NAA16: variants seen among roughly 807,000 people sequenced by gnomAD.
NAA16 encodes N-alpha-acetyltransferase 16, NatA auxiliary subunit, also known as NARG1-like protein.
NAA16 carries 97 observed loss-of-function variants against 110.3 expected under a neutral mutation model. The ratio of observed to expected loss-of-function variants is 0.88; its 90% CI spans 0.75 to 1.04. The LOEUF is 1.04. NAA16 is among the 50% of genes least tolerant of loss of function. NAA16 has a pLI of 0.00. For synonymous variants in NAA16, 372 were observed against 330.6 expected, an observed-to-expected ratio of 1.13 and a Z score of -1.36; for missense variants, 1,017 against 1,005.1, an observed-to-expected ratio of 1.01 and a Z score of -0.16.
chr13:41,316,255 AAGT>A (rs1223047289), intron 1 of NAA16, among the ~76,000 whole-genome samples: 1 of 151,274 alleles, frequency 6.6e-6, no homozygotes. Context: ...TCAGCCACCC[AAGT>A]AGCTGGGATT....
intron 10 of NAA16, 56 bp downstream of exon 10, chr13:41,355,272 A>T: frequency 1.8e-6 from 2 of 1,090,974 alleles, no homozygotes; most frequent in Non-Finnish European, 2.7e-6. Context: ...TTTTAATCAC[A>T]GTAATGCTCT....
chr13:41,330,405 C>T (rs928674984), intron 7 of NAA16, among the ~76,000 whole-genome samples: 1 of 151,722 alleles, frequency 6.6e-6, no homozygotes, highest in East Asian at 1.9e-4. Context: ...CTGCTAGCAC[C>T]CAGGGTTATT....
In NAA16 at chr13:41,358,907, T is replaced by G. The variant is rs536039218; in HGVS notation, c.1355T>G (p.Met452Arg). Reference protein sequence around the residue: ...RFINSKCAKYMLRANMIKEAE... With the variant: ...RFINSKCAKYRLRANMIKEAE... ...ATCAATTCCAAATGTGCAAAATACA[T>G]GCTTCGAGCAAATATGATAAAAGAA... The change falls in exon 12 of 20, where the codon ATG (methionine) becomes AGG (arginine). Residue 452 changes from methionine (M) to arginine (R), a missense_variant. By Grantham distance (91) the Met-to-Arg change is moderately conservative. Transcript: ENST00000379406. The G allele has an allele frequency of 2.5e-6, 4 of 1,612,266 alleles. No homozygotes were observed. Among genetic ancestry groups the G allele is most frequent in the East Asian group, 4.5e-5 (2 of 44,790 alleles).
At position 41,358,347 on chromosome 13, in the gene NAA16, G is replaced by T. The variant is rs750911744; in HGVS notation, c.1131G>T (p.Gln377His). The change falls in exon 11 of 20, where the codon CAG becomes CAT. Residue 377 changes from glutamine to histidine, a missense_variant. Transcript: ENST00000379406. ...KEPPTTLLWV[Q>H]YFLAQHFDKL... The stretch of plus-strand genomic sequence containing the variant: ...CCCCGACAACACTACTCTGGGTTCA[G>T]TATTTCCTGGCACAGCACTTTGATA... 2 of 1,613,996 alleles carry T rather than the reference G, an allele frequency of 1.2e-6. No individual in the cohort carries two copies. The highest frequency in any genetic ancestry group is 1.3e-5 in the African/African-American group (1 of 75,048).
Position 41,311,397 on chromosome 13 carries a change from T to C in NAA16, c.-132T>C, listed in dbSNP as rs931079698. ...CAGCCAGGCTGCCCAATTGCAACTG[T>C]AGACCAATGAACTAATCCATCGCCC... On this transcript the variant is annotated 5_prime_UTR_variant, in exon 1 of 20. Transcript: ENST00000379406. The C allele has an allele frequency of 7.1e-6, 6 of 840,776 alleles. No individual in the cohort carries two copies. The African/African-American group carries it at 8.7e-5, about 12-fold the overall frequency. The allele number at this position is 840,776 out of a possible 1,614,324, so 52.1% of individuals were successfully genotyped here.
chr13:41,325,419 T>G (rs993304098), intron 5 of NAA16, among the ~76,000 whole-genome samples: 2 of 148,962 alleles, frequency 1.3e-5, no homozygotes, highest in Non-Finnish European at 3.0e-5. Context: ...ACTCTAGTAG[T>G]TTTTTTTTTG....
chr13:41,335,303 A>G (rs1682886748), intron 8 of NAA16, among the ~76,000 whole-genome samples: 1 of 152,196 alleles, frequency 6.6e-6, no homozygotes, highest in Non-Finnish European at 1.5e-5. Flanking sequence ...AGCCATACAA[A>G]TGTACTCTTG....
chr13:41,372,796 G>T lies in NAA16; in HGVS notation c.2121G>T (p.Trp707Cys). Residue 707 changes from tryptophan (W) to cysteine (C), a missense_variant, in exon 17 of 20, where the codon TGG becomes TGT. By Grantham distance (215) the Trp-to-Cys change is radical. Transcript: ENST00000379406. ...RAFAINSNNP[W>C]LHECLIRFSK... is the part of the protein sequence containing the mutation. Reference sequence around the variant, plus strand: ...TTGCCATTAACAGTAATAACCCATGGTTACATGAATGTTTAATTAGATTTT... The same window carrying T: ...TTGCCATTAACAGTAATAACCCATGTTTACATGAATGTTTAATTAGATTTT... 6.3e-7 allele frequency: 1 copy of T among 1,590,754 alleles called. No homozygotes were observed. Among genetic ancestry groups the T allele is most frequent in the Non-Finnish European group, 8.6e-7 (1 of 1,165,172 alleles).
chr13:41,328,649 A>G (rs2042154851), intron 6 of NAA16, 75 bp from the exon 7 acceptor site: 2 of 1,222,906 alleles, frequency 1.6e-6, no homozygotes, highest in Admixed American at 2.1e-5. Context: ...GTTCACTGAT[A>G]ATGTTTAGTG....
At chr13:41,312,701 CG>C (rs2041662504) in intron 1 of NAA16, among the ~76,000 whole-genome samples, 1 of 152,032 alleles carries the variant, frequency 6.6e-6, no homozygotes, top group Admixed American at 6.5e-5. Flanking sequence ...GTATGAACAG[CG>C]GCAGATAATT....
intron 5 of NAA16, among the ~76,000 whole-genome samples, chr13:41,324,080 A>T (rs2042020728): frequency 6.6e-6 from 1 of 152,028 alleles, no homozygotes; most frequent in South Asian, 2.1e-4. Context: ...CTTAAATAGT[A>T]TCTTCTATTT....
chr13:41,370,517 G>A (rs532291920), intron 15 of NAA16, among the ~76,000 whole-genome samples: 1 of 152,110 alleles, frequency 6.6e-6, no homozygotes, highest in Non-Finnish European at 1.5e-5. Context: ...ACTAACCCCT[G>A]AGCCTTGAAG....
intron 5 of NAA16, among the ~76,000 whole-genome samples, chr13:41,325,050 C>G (rs537966235): frequency 1.3e-5 from 2 of 149,830 alleles, no homozygotes; most frequent in African/African-American, 4.9e-5. Flanking sequence ...CCTCCACTTC[C>G]GGGCTTAAGC....
chr13:41,373,873 T>A, intron 18 of NAA16, 93 bp downstream of exon 18: 1 of 1,466,526 alleles, frequency 6.8e-7, no homozygotes, highest in Non-Finnish European at 9.0e-7. Flanking sequence ...AAATGAACAG[T>A]ACTGTGTGTA....
intron 13 of NAA16, among the ~76,000 whole-genome samples, chr13:41,364,323 T>A (rs1029471160): frequency 2.0e-5 from 3 of 152,180 alleles, no homozygotes; most frequent in African/African-American, 7.2e-5. Flanking sequence ...ACATACTGCT[T>A]TGAGCTCTTA....
chr13:41,365,062 T>C (rs1184533535), intron 13 of NAA16, among the ~76,000 whole-genome samples: 2 of 152,190 alleles, frequency 1.3e-5, no homozygotes, highest in African/African-American at 2.4e-5. Context: ...ATGAGCTGTA[T>C]GTTAAGATTT....
intron 12 of NAA16, among the ~76,000 whole-genome samples, chr13:41,360,597 A>G (rs987243171): frequency 6.6e-6 from 1 of 152,122 alleles, no homozygotes; most frequent in African/African-American, 2.4e-5. Flanking sequence ...TCCACTTTTG[A>G]CAAGTTGCCA....
At chr13:41,319,222 TTG>T (rs1353330430) in intron 3 of NAA16, among the ~76,000 whole-genome samples, 1 of 152,212 alleles carries the variant, frequency 6.6e-6, no homozygotes, top group Non-Finnish European at 1.5e-5. Context: ...ACTTTGGTAA[TTG>T]TGACTTGAAA....
chr13:41,364,477 T>G (rs1431413768), intron 13 of NAA16, among the ~76,000 whole-genome samples: 1 of 152,184 alleles, frequency 6.6e-6, no homozygotes, highest in East Asian at 1.9e-4. Flanking sequence ...TTGACTTTTA[T>G]TAAAACAAAC....
Sources: gnomAD v4.1 joint callset for allele counts (sites outside exome capture counted in the v4.1 genomes callset) on GRCh38, gnomAD v4.1.1 for gene constraint, MANE v1.5 for transcripts, NCBI Gene and HGNC (gene_info 2026-07-23, HGNC 2026-07-21) for gene names.